NFIA: variants seen among roughly 807,000 people sequenced by gnomAD.
NFIA encodes the protein nuclear factor 1 A-type.
In NFIA, 8 loss-of-function variants were observed where a neutral mutation model predicts 62.8. That is an observed-to-expected ratio of 0.13 (90% CI 0.07 to 0.23). The LOEUF (loss-of-function observed/expected upper bound fraction) is 0.23, where lower values mean the gene tolerates loss of function less well. Among genes scored for constraint, NFIA ranks in the 10% least tolerant of loss-of-function variants. The pLI, the probability that NFIA is intolerant of heterozygous loss-of-function variation, is 1.00. For synonymous variants in NFIA, 235 were observed against 238.1 expected (o/e 0.99, Z 0.12); for missense variants, 410 against 642.1 (o/e 0.64, Z 3.91).
intron 2 of NFIA, among the ~76,000 whole-genome samples, chr1:61,106,788 C>T (rs1646608625): frequency 6.6e-6 from 1 of 151,572 alleles, no homozygotes; most frequent in African/African-American, 2.4e-5. Flanking sequence ...TTCTTTTCCT[C>T]TCCCATTACC....
chr1:61,362,790 G>T (rs946594395), intron 6 of NFIA, among the ~76,000 whole-genome samples: 2 of 152,126 alleles, frequency 1.3e-5, no homozygotes, highest in Non-Finnish European at 2.9e-5. Context: ...TTGTTTCCCA[G>T]TTATCTCAAA....
At chr1:61,285,298 G>A (rs1658416033) in intron 3 of NFIA, among the ~76,000 whole-genome samples, 1 of 152,120 alleles carries the variant, frequency 6.6e-6, no homozygotes, top group Non-Finnish European at 1.5e-5. Flanking sequence ...GGGGCGAGCT[G>A]GGGTCAGGAA....
intron 2 of NFIA, among the ~76,000 whole-genome samples, chr1:61,127,744 A>G (rs1027562318): frequency 6.6e-6 from 1 of 152,214 alleles, no homozygotes. Flanking sequence ...ATTGTTATAC[A>G]GGCCTTTTAA....
intron 3 of NFIA, among the ~76,000 whole-genome samples, chr1:61,327,197 C>A (rs1429200154): frequency 6.7e-6 from 1 of 150,114 alleles, no homozygotes; most frequent in African/African-American, 2.4e-5. Context: ...GACAGAGAGA[C>A]AGAAATAAGA....
chr1:61,351,228 C>A (rs568043972), intron 4 of NFIA, among the ~76,000 whole-genome samples: 11 of 152,188 alleles, frequency 7.2e-5, no homozygotes, highest in Non-Finnish European at 1.3e-4. Context: ...CAGATGACTT[C>A]GCAGACTTTT....
intron 3 of NFIA, among the ~76,000 whole-genome samples, chr1:61,302,568 A>AT (rs534851262): frequency 6.6e-6 from 1 of 152,106 alleles, no homozygotes; most frequent in Non-Finnish European, 1.5e-5. Context: ...AGGATGTTTT[A>AT]TTTTTTGTGT....
intron 2 of NFIA, among the ~76,000 whole-genome samples, chr1:61,131,454 G>A (rs1188091878): frequency 6.6e-6 from 1 of 152,156 alleles, no homozygotes; most frequent in Non-Finnish European, 1.5e-5. Flanking sequence ...GCATTTAACT[G>A]TGGACAGTAG....
At chr1:61,351,186 C>T (rs1489655383) in intron 4 of NFIA, among the ~76,000 whole-genome samples, 1 of 152,168 alleles carries the variant, frequency 6.6e-6, no homozygotes, top group East Asian at 1.9e-4. Flanking sequence ...CAGGACATAG[C>T]CTCATTGTAA....
At chr1:61,210,233 G>C (rs1027842276) in intron 2 of NFIA, among the ~76,000 whole-genome samples, 1 of 152,152 alleles carries the variant, frequency 6.6e-6, no homozygotes, top group Non-Finnish European at 1.5e-5. Context: ...GAATAAGATT[G>C]CAAAAGGAAG....
At position 61,182,542 on chromosome 1, in the gene NFIA, G is replaced by A. The variant is rs1275211720; in HGVS notation, c.559+93862G>A. On this transcript the variant is annotated intron_variant, in intron 2 of 10. Coordinates refer to ENST00000403491, the MANE Select transcript of NFIA (RefSeq NM_001134673.4). ...TTCAGGACCTTGAAGAATTTTCAAA[G>A]TTAGAACTGTAATTTGTGTAGGGAC... 3.3e-5 allele frequency among the ~76,000 whole-genome samples: 5 copies of A among 152,178 alleles called. No individual in the cohort carries two copies. The South Asian group carries it at 6.2e-4, about 19-fold the overall frequency.
intron 9 of NFIA, among the ~76,000 whole-genome samples, chr1:61,422,007 A>G (rs1666642552): frequency 6.6e-6 from 1 of 152,200 alleles, no homozygotes; most frequent in Non-Finnish European, 1.5e-5. Context: ...CACGCCTGTA[A>G]TCCCAGCACT....
intron 4 of NFIA, among the ~76,000 whole-genome samples, chr1:61,350,605 G>T (rs1449263720): frequency 6.6e-6 from 1 of 152,002 alleles, no homozygotes; most frequent in Non-Finnish European, 1.5e-5. Context: ...CTCTGCATCT[G>T]CACTTAGCCT....
Position 61,460,584 on chromosome 1 carries a change from A to G in NFIA, c.*5264A>G, listed in dbSNP as rs1232036796. ...CAACTTTGGTATCTACTTTCCGTTT[A>G]CTTCAATCCTTGCCTTTTTGGTCAT... is the stretch of plus-strand genomic sequence containing the variant. On this transcript the variant is annotated 3_prime_UTR_variant, in exon 11 of 11. Coordinates refer to ENST00000403491, the MANE Select transcript of NFIA (RefSeq NM_001134673.4). 6.6e-6 allele frequency: 1 copy of G among 152,220 alleles called. No homozygotes were observed. The highest frequency in any genetic ancestry group is 1.5e-5 in the Non-Finnish European group (1 of 68,032). 9.4% of individuals were successfully genotyped at this position (152,220 alleles called of 1,614,324 possible). A position where few individuals can be genotyped will look rare whatever the true frequency, so the allele number is the denominator to read the frequency against.
intron 3 of NFIA, among the ~76,000 whole-genome samples, chr1:61,311,474 T>C (rs575976471): frequency 2.6e-5 from 4 of 152,290 alleles, no homozygotes; most frequent in East Asian, 1.9e-4. Context: ...CTCAGCACCA[T>C]TGACATTTTG....
At chr1:61,295,870 A>G (rs987900061) in intron 3 of NFIA, among the ~76,000 whole-genome samples, 13 of 152,238 alleles carry the variant, frequency 8.5e-5, no homozygotes, top group African/African-American at 3.1e-4. Context: ...CCCCTGGACA[A>G]TGCTGAGAAA....
chr1:61,179,482 A>G (rs540256351), intron 2 of NFIA, among the ~76,000 whole-genome samples: 5 of 152,330 alleles, frequency 3.3e-5, no homozygotes, highest in Non-Finnish European at 5.9e-5. Flanking sequence ...ATCAAATGCA[A>G]TGCCATTCGT....
chr1:61,135,873 T>C (rs1647175440), intron 2 of NFIA, among the ~76,000 whole-genome samples: 4 of 152,314 alleles, frequency 2.6e-5, no homozygotes, highest in East Asian at 1.9e-4. Flanking sequence ...TCTGGACATA[T>C]CCATAGAGCA....
At chr1:61,203,220 C>T (rs549840528) in intron 2 of NFIA, among the ~76,000 whole-genome samples, 1 of 152,198 alleles carries the variant, frequency 6.6e-6, no homozygotes, top group African/African-American at 2.4e-5. Context: ...CCTGCCCTGA[C>T]TAAATGAAGG....
upstream of NFIA, among the ~76,000 whole-genome samples, chr1:61,078,106 G>T (rs1646054461): frequency 6.6e-6 from 1 of 152,102 alleles, no homozygotes; most frequent in African/African-American, 2.4e-5. Flanking sequence ...TCATAAGGAA[G>T]CTTGGGTGTA....
Sources: allele counts gnomAD v4.1 joint callset (sites outside exome capture counted in the v4.1 genomes callset), GRCh38; gene constraint gnomAD v4.1.1; transcripts MANE v1.5; gene names NCBI Gene and HGNC (gene_info 2026-07-23, HGNC 2026-07-21).